CLPB: variants seen among roughly 807,000 people sequenced by gnomAD.
CLPB encodes the protein ClpB family mitochondrial disaggregase.
A neutral mutation model predicts 78.4 loss-of-function variants in CLPB; 40 were observed. That is an observed-to-expected ratio of 0.51 (90% CI 0.40 to 0.66). The LOEUF is 0.66. CLPB is among the 30% of genes least tolerant of loss of function. CLPB has a pLI of 0.00. For synonymous variants in CLPB, 333 were observed against 348.0 expected (o/e 0.96, Z 0.48); for missense variants, 780 against 886.9 (o/e 0.88, Z 1.53).
rs1949962313 is a variant in CLPB at position 72,317,235 on chromosome 11, G to A, written c.874-15C>T. ...TTCTCTTGGTACTGTGGGGAGAGAG[G>A]GCAAATGGTTGAGGGCTGCCGGGCC... is the stretch of plus-strand genomic sequence containing the variant. On this transcript the variant is annotated splice_polypyrimidine_tract_variant and intron_variant, in intron 6 of 15. Transcript: ENST00000538039. The A allele has an allele frequency of 1.2e-5, 19 of 1,591,862 alleles. No individual in the cohort carries two copies. In the East Asian group the frequency reaches 3.4e-4, roughly 28 times the overall value.
At chr11:72,409,452 C>T (rs989067966) in intron 2 of CLPB, among the ~76,000 whole-genome samples, 2 of 151,982 alleles carry the variant, frequency 1.3e-5, no homozygotes, top group Non-Finnish European at 2.9e-5. Flanking sequence ...GGCGTGGTGT[C>T]GGGCACCTGT....
chr11:72,400,570 C>T (rs1590897903), intron 3 of CLPB, among the ~76,000 whole-genome samples: 1 of 152,186 alleles, frequency 6.6e-6, no homozygotes, highest in African/African-American at 2.4e-5. Context: ...GAAAATACTA[C>T]ACACAGAAGG....
rs1208607074 is a variant in CLPB, at chr11:72,419,282, A to C, written c.455+11030T>G. 3.3e-5 allele frequency among the ~76,000 whole-genome samples: 5 copies of C among 152,328 alleles called. No individual in the cohort carries two copies. In the East Asian group the frequency reaches 9.6e-4, roughly 29 times the overall value. ...TTAGAGGAGAGATAGCACTTGGGCGACATAAATGATGGTAGGGAGGCAGAG... is the reference window on the plus strand; with the variant it reads ...TTAGAGGAGAGATAGCACTTGGGCGCCATAAATGATGGTAGGGAGGCAGAG... On this transcript the variant is annotated intron_variant, in intron 2 of 15. Transcript: ENST00000538039.
intron 3 of CLPB, among the ~76,000 whole-genome samples, chr11:72,392,607 T>G (rs959284488): frequency 6.6e-6 from 1 of 152,230 alleles, no homozygotes; most frequent in East Asian, 1.9e-4. Context: ...TTTATTTATT[T>G]ACTTCAAAAA....
intron 1 of CLPB, among the ~76,000 whole-genome samples, chr11:72,431,367 T>G (rs955153998): frequency 6.6e-6 from 1 of 152,172 alleles, no homozygotes; most frequent in Non-Finnish European, 1.5e-5. Context: ...GACTCACTCA[T>G]GAGCAAATGC....
At chr11:72,410,909 T>C (rs1319941289) in intron 2 of CLPB, 1 of 152,218 alleles carries the variant, frequency 6.6e-6, no homozygotes, top group Non-Finnish European at 1.5e-5. Flanking sequence ...AGTTGTGCTG[T>C]TTTTATAACA....
intron 8 of CLPB, among the ~76,000 whole-genome samples, chr11:72,307,667 A>G (rs891047561): frequency 6.6e-6 from 1 of 152,136 alleles, no homozygotes; most frequent in Non-Finnish European, 1.5e-5. Context: ...CTGGAACCAC[A>G]TGGCAGATAG....
chr11:72,360,325 C>G (rs1309568934), intron 4 of CLPB, among the ~76,000 whole-genome samples: 1 of 152,190 alleles, frequency 6.6e-6, no homozygotes, highest in East Asian at 1.9e-4. Context: ...TCAAAAGCAC[C>G]AGACAATTCC....
chr11:72,340,809 G>C (rs1950406640), intron 5 of CLPB, among the ~76,000 whole-genome samples: 1 of 152,178 alleles, frequency 6.6e-6, no homozygotes, highest in Non-Finnish European at 1.5e-5. Flanking sequence ...CCTTGTTTAT[G>C]CATATGGAAA....
At chr11:72,380,173 C>T (rs1027162524) in intron 4 of CLPB, 108 bp downstream of exon 4, 3 of 815,326 alleles carry the variant, frequency 3.7e-6, no homozygotes, top group East Asian at 5.2e-5. Context: ...AGGTAAAGAA[C>T]ATGCAGGCTG....
chr11:72,384,342 T>C (rs1368478178), intron 3 of CLPB, among the ~76,000 whole-genome samples: 1 of 152,140 alleles, frequency 6.6e-6, no homozygotes, highest in Non-Finnish European at 1.5e-5. Context: ...AATACAAAAA[T>C]ATGTAAATTG....
Position 72,434,119 on chromosome 11 carries a change from G to T in CLPB, c.356C>A (p.Ala119Asp). ...GTAGCAATGAACCACCAGCGCTGCG[G>T]CCAGGGCGCACATGCCCAGTCCGGC... ...SRAGLGMCAL[A>D]AALVVHCYSK... The change falls in exon 1 of 16, where the codon GCC becomes GAC. Residue 119 changes from alanine (A) to aspartate (D), a missense_variant. Physicochemically the swap from Ala to Asp is moderately radical, Grantham distance 126 (BLOSUM62 -2). This residue lies in a region of CLPB where 417 missense variants were observed against 414.7 expected (regional missense o/e 1.01). Coordinates refer to ENST00000538039, the MANE Select transcript of CLPB (RefSeq NM_001258392.3). The T allele has an allele frequency of 1.2e-6, 2 of 1,611,958 alleles. No individual in the cohort carries two copies.
chr11:72,323,565 CAAAA>C (rs371241451), intron 6 of CLPB, among the ~76,000 whole-genome samples: 2 of 68,790 alleles, frequency 2.9e-5, no homozygotes, highest in Non-Finnish European at 5.4e-5. Flanking sequence ...GACTCCATCT[CAAAA>C]AAAAAAAAAA....
chr11:72,344,359 A>G (rs571922632), intron 5 of CLPB, among the ~76,000 whole-genome samples: 14 of 151,764 alleles, frequency 9.2e-5, no homozygotes, highest in African/African-American at 3.1e-4. Context: ...CAGGCACATC[A>G]CCACACCCAG....
intron 5 of CLPB, among the ~76,000 whole-genome samples, chr11:72,338,344 G>A (rs542236850): frequency 6.6e-6 from 1 of 152,288 alleles, no homozygotes; most frequent in South Asian, 2.1e-4. Context: ...AAAAGGACTG[G>A]AGAAGTGGAG....
chr11:72,345,188 T>C (rs1404544260), intron 5 of CLPB, among the ~76,000 whole-genome samples: 1 of 152,206 alleles, frequency 6.6e-6, no homozygotes, highest in Non-Finnish European at 1.5e-5. Flanking sequence ...AAGACTTTAC[T>C]GTAAAGGCAT....
chr11:72,308,988 G>A (rs1029570378), intron 7 of CLPB, among the ~76,000 whole-genome samples: 10 of 152,154 alleles, frequency 6.6e-5, no homozygotes, highest in African/African-American at 1.9e-4. Context: ...GTGGGACTAC[G>A]GGCCGCCTCC....
At chr11:72,305,139 A>G (rs1949723509) in intron 9 of CLPB, among the ~76,000 whole-genome samples, 1 of 152,202 alleles carries the variant, frequency 6.6e-6, no homozygotes, top group Admixed American at 6.5e-5. Context: ...ATGGGGACAC[A>G]CTGGCAAGTT....
chr11:72,418,642 G>A (rs1171578870), intron 2 of CLPB, among the ~76,000 whole-genome samples: 1 of 152,068 alleles, frequency 6.6e-6, no homozygotes, highest in Non-Finnish European at 1.5e-5. Context: ...GGATCACGAG[G>A]TCAGGAGTTC....
Sources: gnomAD v4.1 joint callset for allele counts (sites outside exome capture counted in the v4.1 genomes callset) on GRCh38, gnomAD v4.1.1 for gene constraint, gnomAD v4.1.1 regional missense constraint, MANE v1.5 for transcripts, NCBI Gene and HGNC (gene_info 2026-07-23, HGNC 2026-07-21) for gene names.